MBOAT1: variants seen among roughly 807,000 people sequenced by gnomAD.
MBOAT1 encodes membrane-bound glycerophospholipid O-acyltransferase 1.
A neutral mutation model predicts 64.4 loss-of-function variants in MBOAT1; 67 were observed. The ratio of observed to expected loss-of-function variants is 1.04; its 90% confidence interval spans 0.85 to 1.27. The LOEUF is 1.27. Ranked by LOEUF, MBOAT1 falls within the 50% of genes most tolerant of loss-of-function variation. The probability of loss-of-function intolerance (pLI) is 0.00; values close to 1 mark genes in which losing one functional copy is unlikely to be tolerated. For missense variants in MBOAT1, 563 were observed against 604.6 expected (o/e 0.93, Z 0.72); for synonymous variants, 229 against 218.9 (o/e 1.05, Z -0.41).
intron 6 of MBOAT1, 95 bp downstream of exon 6, chr6:20,128,604 A>T: frequency 1.2e-6 from 1 of 837,388 alleles, no homozygotes; most frequent in Non-Finnish European, 1.9e-6. Flanking sequence ...TTATATCCAT[A>T]GAACAGAATT....
At chr6:20,170,196 C>A (rs1412687974) in intron 1 of MBOAT1, among the ~76,000 whole-genome samples, 1 of 152,172 alleles carries the variant, frequency 6.6e-6, no homozygotes, top group African/African-American at 2.4e-5. Context: ...ATGTTACATG[C>A]CAAGGTAACG....
At position 20,212,257 on chromosome 6, in the gene MBOAT1, G is replaced by A; in HGVS notation, c.-23C>T. 2 of 1,601,888 alleles carry A rather than the reference G, an allele frequency of 1.2e-6. No individual in the cohort carries two copies. The highest frequency in any genetic ancestry group is 1.7e-6 in the Non-Finnish European group (2 of 1,174,996). On this transcript the variant is annotated 5_prime_UTR_variant, in exon 1 of 13. Coordinates refer to ENST00000324607, the MANE Select transcript of MBOAT1 (RefSeq NM_001080480.3). Reference sequence around the variant, plus strand: ...CATCCTGCATCTTCGGGAGGTGGCTGCCCCTGTCCCAGCCCGCAACACCCC... The same window carrying A: ...CATCCTGCATCTTCGGGAGGTGGCTACCCCTGTCCCAGCCCGCAACACCCC...
At chr6:20,169,785 TA>T (rs1762137258) in intron 1 of MBOAT1, among the ~76,000 whole-genome samples, 1 of 152,200 alleles carries the variant, frequency 6.6e-6, no homozygotes, top group Admixed American at 6.5e-5. Context: ...TCTTGATAAT[TA>T]TAGGAGGAAA....
At chr6:20,111,247 C>CT (rs1429834376) in intron 11 of MBOAT1, among the ~76,000 whole-genome samples, 1 of 152,150 alleles carries the variant, frequency 6.6e-6, no homozygotes, top group Admixed American at 6.5e-5. Context: ...AAAGCAATGG[C>CT]TAGGGGATAG....
At position 20,168,495 on chromosome 6, in the gene MBOAT1, G is replaced by C. The variant is rs532523893; in HGVS notation, c.100-15726C>G. ...AGACAGAGACAGAGACAGAGACAGA[G>C]AGAGAGAGAGAGGAGAGGAGAGGAG... On this transcript the variant is annotated intron_variant, in intron 1 of 12. Coordinates refer to ENST00000324607, the MANE Select transcript of MBOAT1 (RefSeq NM_001080480.3). Among the ~76,000 whole-genome samples the C allele has an allele frequency of 1.7e-3, 218 of 129,458 alleles. 2 individuals are homozygous for C. The highest frequency in any genetic ancestry group is 2.9e-3 in the Non-Finnish European group (180 of 62,852). 84.9% of individuals were successfully genotyped at this position (129,458 alleles called of 152,430 possible).
Position 20,212,319 on chromosome 6 carries a change from G to C in MBOAT1, c.-85C>G, listed in dbSNP as rs1401988417. 4.6e-6 allele frequency: 6 copies of C among 1,310,798 alleles called. No individual in the cohort carries two copies. The African/African-American group carries it at 7.3e-5, about 16-fold the overall frequency. 81.2% of individuals were successfully genotyped at this position (1,310,798 alleles called of 1,614,324 possible). ...CCTCCCGCCCGGGTGCTCTTGGGTG[G>C]TTGCCCCGAGAGGCGCACGGCCGCC... On this transcript the variant is annotated 5_prime_UTR_variant, in exon 1 of 13. Coordinates refer to ENST00000324607, the MANE Select transcript of MBOAT1 (RefSeq NM_001080480.3).
chr6:20,140,808 G>A (rs1423468113), intron 4 of MBOAT1, among the ~76,000 whole-genome samples: 2 of 152,146 alleles, frequency 1.3e-5, no homozygotes, highest in Non-Finnish European at 2.9e-5. Context: ...GTTCTGAGTC[G>A]CTAGAGAATC....
chr6:20,159,466 C>A (rs560448603), intron 1 of MBOAT1, among the ~76,000 whole-genome samples: 30 of 152,280 alleles, frequency 2.0e-4, no homozygotes, highest in African/African-American at 7.0e-4. Flanking sequence ...GCAGGAAGTT[C>A]TGTCATTTGC....
chr6:20,142,616 A>G (rs1019249200), intron 4 of MBOAT1, among the ~76,000 whole-genome samples: 2 of 151,946 alleles, frequency 1.3e-5, no homozygotes, highest in Non-Finnish European at 2.9e-5. Flanking sequence ...CACCCAGCTA[A>G]TTTTTATATT....
At chr6:20,108,846 A>G (rs1443906312) in intron 12 of MBOAT1, among the ~76,000 whole-genome samples, 1 of 152,224 alleles carries the variant, frequency 6.6e-6, no homozygotes, top group African/African-American at 2.4e-5. Context: ...TTTTCTTCTC[A>G]GCCTCATTTT....
intron 8 of MBOAT1, among the ~76,000 whole-genome samples, chr6:20,123,718 T>C (rs1308257113): frequency 6.6e-6 from 1 of 151,862 alleles, no homozygotes; most frequent in African/African-American, 2.4e-5. Context: ...TCAAATTAAT[T>C]CAAGGTGCAT....
chr6:20,196,766 C>T (rs1762966685), intron 1 of MBOAT1, among the ~76,000 whole-genome samples: 1 of 151,796 alleles, frequency 6.6e-6, no homozygotes, highest in Non-Finnish European at 1.5e-5. Context: ...GAGGCTGAGG[C>T]AGGAGAATCA....
chr6:20,116,800 T>C (rs1466033999), intron 9 of MBOAT1, among the ~76,000 whole-genome samples: 1 of 152,206 alleles, frequency 6.6e-6, no homozygotes, highest in East Asian at 1.9e-4. Flanking sequence ...CCTGAAGACA[T>C]GTCCACTGTG....
In MBOAT1 at chr6:20,212,311, C is replaced by G; in HGVS notation, c.-77G>C. 2 of 1,411,318 alleles carry G rather than the reference C, an allele frequency of 1.4e-6. No individual in the cohort carries two copies. Among genetic ancestry groups the G allele is most frequent in the Non-Finnish European group, 1.9e-6 (2 of 1,028,672 alleles). The allele number at this position is 1,411,318 out of a possible 1,614,324, so 87.4% of individuals were successfully genotyped here. A position where few individuals can be genotyped will look rare whatever the true frequency, so the allele number is the denominator to read the frequency against. On this transcript the variant is annotated 5_prime_UTR_variant, in exon 1 of 13. Coordinates refer to ENST00000324607, the MANE Select transcript of MBOAT1 (RefSeq NM_001080480.3). ...CTCGGCGTCCTCCCGCCCGGGTGCTCTTGGGTGGTTGCCCCGAGAGGCGCA... is the reference window on the plus strand; with the variant it reads ...CTCGGCGTCCTCCCGCCCGGGTGCTGTTGGGTGGTTGCCCCGAGAGGCGCA...
chr6:20,205,220 A>C (rs73374732), intron 1 of MBOAT1, among the ~76,000 whole-genome samples: 3,834 of 152,130 alleles, frequency 0.025, 167 homozygotes, highest in African/African-American at 0.088. Context: ...AGAGAAAAGG[A>C]AGGAGGAAAG....
chr6:20,175,445 ATTTAT>A (rs1308670856), intron 1 of MBOAT1, among the ~76,000 whole-genome samples: 1 of 150,822 alleles, frequency 6.6e-6, no homozygotes, highest in Non-Finnish European at 1.5e-5. Flanking sequence ...TGTTTTATTT[ATTTAT>A]TTATTTATTT....
rs1205613731 is a variant in MBOAT1, at chr6:20,101,297, CAGG to C, written c.*986_*988del. Among the ~76,000 whole-genome samples, 1 of 152,128 alleles carries C rather than the reference CAGG, an allele frequency of 6.6e-6. No homozygotes were observed. Among genetic ancestry groups the C allele is most frequent in the Non-Finnish European group, 1.5e-5 (1 of 68,024 alleles). Reference sequence around the variant, plus strand: ...AGCAGCCCCTCTTCAGCTCCATGTACAGGAGACTTTCTGATTTCCAATCTTGGC... The same window carrying C: ...AGCAGCCCCTCTTCAGCTCCATGTACAGACTTTCTGATTTCCAATCTTGGC... On this transcript the variant is annotated 3_prime_UTR_variant, in exon 13 of 13. Transcript: ENST00000324607.
chr6:20,197,308 G>A (rs866419579), intron 1 of MBOAT1, among the ~76,000 whole-genome samples: 1 of 152,138 alleles, frequency 6.6e-6, no homozygotes, highest in African/African-American at 2.4e-5. Flanking sequence ...GCTGGGAACT[G>A]CATCACGTAA....
intron 6 of MBOAT1, among the ~76,000 whole-genome samples, chr6:20,127,548 C>T (rs1760695895): frequency 6.6e-6 from 1 of 152,114 alleles, no homozygotes; most frequent in Admixed American, 6.5e-5. Context: ...AATGTCAGAT[C>T]AGCAGCGGCA....
Sources: allele counts gnomAD v4.1 joint callset (sites outside exome capture counted in the v4.1 genomes callset), GRCh38; gene constraint gnomAD v4.1.1; transcripts MANE v1.5; gene names NCBI Gene and HGNC (gene_info 2026-07-23, HGNC 2026-07-21).